SYNM: variants seen among roughly 807,000 people sequenced by gnomAD.
SYNM encodes the protein synemin.
SYNM carries 95 observed loss-of-function variants against 104.0 expected under a neutral mutation model. The ratio of observed to expected loss-of-function variants is 0.91; its 90% CI spans 0.77 to 1.08. The LOEUF (loss-of-function observed/expected upper bound fraction) is 1.08. Among genes scored for constraint, SYNM ranks in the 50% least tolerant of loss-of-function variants. The pLI is 0.00. For missense variants in SYNM, 2,150 were observed against 2,052.2 expected (o/e 1.05, Z -0.92); for synonymous variants, 918 against 869.0 (o/e 1.06, Z -0.99).
chr15:99,115,873 C>T (rs1400669717), intron 2 of SYNM, among the ~76,000 whole-genome samples: 4 of 152,350 alleles, frequency 2.6e-5, no homozygotes, highest in South Asian at 2.1e-4. Context: ...CAGCCTGGGC[C>T]GGCCTCACTG....
intron 3 of SYNM, among the ~76,000 whole-genome samples, chr15:99,127,778 C>G (rs2067460787): frequency 6.6e-6 from 1 of 152,202 alleles, no homozygotes; most frequent in African/African-American, 2.4e-5. Context: ...ATTAACTCCC[C>G]AGATTTCAAG....
Position 99,105,122 on chromosome 15 carries a change from G to C in SYNM, c.-78G>C. 1 of 1,471,714 alleles carries C rather than the reference G, an allele frequency of 6.8e-7. No homozygotes were observed. 91.2% of individuals were successfully genotyped at this position (1,471,714 alleles called of 1,614,324 possible). A position where few individuals can be genotyped will look rare whatever the true frequency, so the allele number is the denominator to read the frequency against. On this transcript the variant is annotated 5_prime_UTR_variant, in exon 1 of 4. Coordinates refer to ENST00000336292, the MANE Select transcript of SYNM (RefSeq NM_145728.3). ...GGCAGCGGCGAGGCCGGAGCGTCGC[G>C]GCGGAGAGGACGAGACCGGGACAAG...
At position 99,132,916 on chromosome 15, in the gene SYNM, A is replaced by C. The variant is rs1430599747; in HGVS notation, c.4556A>C (p.Gln1519Pro). Residue 1519 changes from glutamine to proline, a missense_variant, in exon 4 of 4, where the codon CAG becomes CCG. Transcript: ENST00000336292. ...AGEGDQAHREQGKEQAMFDKK... is the reference protein window; with the variant it reads ...AGEGDQAHREPGKEQAMFDKK... ...GAAGGAGACCAGGCCCACAGAGAAC[A>C]GGGCAAGGAGCAGGCCATGTTTGAT... 10 of 1,613,950 alleles carry C rather than the reference A, an allele frequency of 6.2e-6. No individual in the cohort carries two copies. Among genetic ancestry groups the C allele is most frequent in the Non-Finnish European group, 8.5e-6 (10 of 1,179,888 alleles).
chr15:99,107,958 TTTTGG>T (rs199885987), intron 1 of SYNM, among the ~76,000 whole-genome samples: 55 of 55,358 alleles, frequency 9.9e-4, no homozygotes, highest in African/African-American at 8.8e-3. Flanking sequence ...TTTGTTTTTT[TTTTGG>T]TTTTGGTTTT....
rs375215719 is a variant in SYNM, at chr15:99,130,762, A to G, written c.2402A>G (p.Gln801Arg). 1.6e-5 allele frequency: 26 copies of G among 1,613,874 alleles called. No homozygotes were observed. The highest frequency in any genetic ancestry group is 2.1e-5 in the Non-Finnish European group (25 of 1,179,904). The change falls in exon 4 of 4, where the codon CAG becomes CGG. Residue 801 changes from glutamine (Q) to arginine (R), a missense_variant. Gln to Arg is a conservative substitution (Grantham distance 43). Coordinates refer to ENST00000336292, the MANE Select transcript of SYNM (RefSeq NM_145728.3). ...AGCGATGTCACATTCTCAGTTAATC[A>G]GCATCGAAGGACCAAGCAGCCTCAG... is the stretch of plus-strand genomic sequence containing the variant. ...GESDVTFSVN[Q>R]HRRTKQPQEN...
At chr15:99,120,173 G>T (rs962194624) in intron 2 of SYNM, among the ~76,000 whole-genome samples, 6 of 152,314 alleles carry the variant, frequency 3.9e-5, no homozygotes, top group African/African-American at 1.4e-4. Flanking sequence ...ACCCAAGGCT[G>T]TTCCCTCCAT....
At position 99,133,138 on chromosome 15, in the gene SYNM, C is replaced by T. The variant is rs2292286; in HGVS notation, c.*80C>T. On this transcript the variant is annotated 3_prime_UTR_variant, in exon 4 of 4. Coordinates refer to ENST00000336292, the MANE Select transcript of SYNM (RefSeq NM_145728.3). ...AAGGCCTTAACTTATTTTAAGAGGCCGAGGGAGTCTATGAAAATCTCCCCT... is the reference window on the plus strand; with the variant it reads ...AAGGCCTTAACTTATTTTAAGAGGCTGAGGGAGTCTATGAAAATCTCCCCT... The T allele has an allele frequency of 5.3e-4, 826 of 1,559,530 alleles. 11 individuals carry two copies. The East Asian group carries it at 0.015, about 28-fold the overall frequency.
At chr15:99,136,668 G>C (rs1414247331), downstream of SYNM, 1 of 152,226 alleles carries the variant, frequency 6.6e-6, no homozygotes, top group Non-Finnish European at 1.5e-5. Flanking sequence ...TGGGGATTAG[G>C]GCTTCAACGT....
Position 99,121,148 on chromosome 15 carries a change from G to T in SYNM, c.936-5574G>T, listed in dbSNP as rs2067397135. 2.0e-5 allele frequency among the ~76,000 whole-genome samples: 3 copies of T among 152,080 alleles called. No homozygotes were observed. In the South Asian group the frequency reaches 6.2e-4, roughly 32 times the overall value. On this transcript the variant is annotated intron_variant, in intron 2 of 3. Coordinates refer to ENST00000336292, the MANE Select transcript of SYNM (RefSeq NM_145728.3). ...AGTTTGAATAAGAGAATAAGTTGAG[G>T]GAGGAACTTGCAAGGGGAGTGAGGA...
chr15:99,120,195 C>T (rs1432002685), intron 2 of SYNM, among the ~76,000 whole-genome samples: 2 of 152,164 alleles, frequency 1.3e-5, no homozygotes, highest in East Asian at 1.9e-4. Context: ...CCCTGTTGAA[C>T]GTGGAATTAG....
At chr15:99,139,550 A>T (rs782175491), downstream of SYNM, 9 of 1,546,964 alleles carry the variant, frequency 5.8e-6, no homozygotes, top group African/African-American at 1.1e-4. Context: ...CTAGTGACTG[A>T]CCTTTGGTTT....
downstream of SYNM, chr15:99,139,505 G>C (rs782557131): frequency 2.6e-6 from 4 of 1,562,972 alleles, no homozygotes; most frequent in Non-Finnish European, 3.5e-6. Context: ...CTTAGGCCCT[G>C]CTGTGATGGA....
chr15:99,139,782 T>TAAAC, downstream of SYNM: 1 of 1,277,562 alleles, frequency 7.8e-7, no homozygotes, highest in Non-Finnish European at 1.0e-6. Flanking sequence ...GTTTTTTTTG[T>TAAAC]AAACACATAC....
At chr15:99,139,959 G>C (rs1229505740), downstream of SYNM, 1 of 288,282 alleles carries the variant, frequency 3.5e-6, no homozygotes, top group Non-Finnish European at 6.7e-6. Context: ...TAGTAGGCTA[G>C]GGCAAATCAA....
rs1439446967 is a variant in SYNM at position 99,131,404 on chromosome 15, A to C, written c.3044A>C (p.Asp1015Ala). ...CAAACTGTGGATGCCGATCGGTTAG[A>C]CCTGGAGGAGCTGAGCAAAGATGAG... ...VSQTVDADRL[D>A]LEELSKDEAS... The change falls in exon 4 of 4, where the codon GAC becomes GCC. Residue 1015 changes from aspartate (D) to alanine (A), a missense_variant. By Grantham distance (126) the Asp-to-Ala change is moderately radical. Transcript: ENST00000336292. The surrounding 1 kb of genome is among the most constrained non-coding windows in gnomAD (Gnocchi z 4.3). 1.2e-6 allele frequency: 2 copies of C among 1,612,040 alleles called. No homozygotes were observed. The highest frequency in any genetic ancestry group is 2.7e-5 in the African/African-American group (2 of 74,886).
chr15:99,127,036 C>T (rs193254828), intron 3 of SYNM, among the ~76,000 whole-genome samples: 16 of 152,178 alleles, frequency 1.1e-4, no homozygotes, highest in African/African-American at 1.4e-4. Flanking sequence ...GATGCAGGAG[C>T]GGAAGGGGCT....
rs782013844 is a variant in SYNM, at chr15:99,131,852, G to A, written c.3492G>A (p.Pro1164=). 50 of 1,613,726 alleles carry A rather than the reference G, an allele frequency of 3.1e-5. No homozygotes were observed. The East Asian group carries it at 4.0e-4, about 13-fold the overall frequency. The part of the protein sequence containing the change: ...AGGDLSQAAS[P]TGASRSVRHV... The stretch of plus-strand genomic sequence containing the variant: ...GTGACCTAAGTCAGGCAGCGAGCCC[G>A]ACCGGAGCCAGCCGGTCTGTGAGGC... The change falls in exon 4 of 4, where the codon CCG becomes CCA. Residue 1164 remains proline, a synonymous_variant. Transcript: ENST00000336292. The surrounding 1 kb of genome is among the most constrained non-coding windows in gnomAD (Gnocchi z 4.3).
chr15:99,113,850 T>C (rs2067322268), intron 2 of SYNM, 135 bp downstream of exon 2: 2 of 1,372,616 alleles, frequency 1.5e-6, no homozygotes, highest in African/African-American at 2.9e-5. Flanking sequence ...GCCCTTGGCA[T>C]GGCCAGGCAA....
downstream of SYNM, chr15:99,139,385 C>A (rs782485622): frequency 4.3e-6 from 7 of 1,614,128 alleles, no homozygotes; most frequent in Non-Finnish European, 5.9e-6. Context: ...ATAAGAGGGT[C>A]TGGATCTGGA....
Sources: gnomAD v4.1 joint callset for allele counts (sites outside exome capture counted in the v4.1 genomes callset) on GRCh38, gnomAD v4.1.1 for gene constraint, Gnocchi (gnomAD v3.1) non-coding constraint, MANE v1.5 for transcripts, NCBI Gene and HGNC (gene_info 2026-07-23, HGNC 2026-07-21) for gene names.